Variants in GALNTL6 observed in about 807,000 individuals in gnomAD.
The protein encoded by GALNTL6 is polypeptide N-acetylgalactosaminyltransferase like 6, also known as polypeptide N-acetylgalactosaminyltransferase-like 6.
A neutral mutation model predicts 73.7 loss-of-function variants in GALNTL6; 46 were observed. That is an observed-to-expected ratio of 0.62 (90% CI 0.49 to 0.80). The LOEUF (loss-of-function observed/expected upper bound fraction) is 0.80. Among genes scored for constraint, GALNTL6 ranks in the 30% least tolerant of loss-of-function variants. The pLI is 0.00. For synonymous variants in GALNTL6, 259 were observed against 263.7 expected (o/e 0.98, Z 0.17); for missense variants, 604 against 755.0 (o/e 0.80, Z 2.34).
chr4:172,017,776 C>T (rs1392017420), intron 2 of GALNTL6, among the ~76,000 whole-genome samples: 8 of 152,064 alleles, frequency 5.3e-5, no homozygotes, highest in Non-Finnish European at 1.2e-4. Context: ...GATTATTGCT[C>T]TTCTGGATCT....
intron 2 of GALNTL6, among the ~76,000 whole-genome samples, chr4:171,865,553 C>A (rs1451440934): frequency 6.6e-6 from 1 of 152,114 alleles, no homozygotes; most frequent in Non-Finnish European, 1.5e-5. Context: ...AAATTTAAGG[C>A]AATCTTACAT....
At chr4:171,853,074 A>G (rs1306811182) in intron 2 of GALNTL6, among the ~76,000 whole-genome samples, 3 of 128,894 alleles carry the variant, frequency 2.3e-5, no homozygotes, top group Non-Finnish European at 4.7e-5. Context: ...CGTGTTAGCC[A>G]GGATGGTTTT....
At chr4:172,517,000 G>A (rs889272249) in intron 5 of GALNTL6, among the ~76,000 whole-genome samples, 3 of 152,082 alleles carry the variant, frequency 2.0e-5, no homozygotes, top group Admixed American at 1.3e-4. Context: ...TAAAGAGAAG[G>A]GAGAATGGTG....
At chr4:172,701,615 C>A (rs565467795) in intron 5 of GALNTL6, among the ~76,000 whole-genome samples, 85 of 152,086 alleles carry the variant, frequency 5.6e-4, no homozygotes, top group African/African-American at 2.0e-3. Context: ...GGGCTGGTGG[C>A]GATTTCTAGT....
chr4:172,619,833 C>G (rs747835872), intron 5 of GALNTL6, among the ~76,000 whole-genome samples: 31 of 152,100 alleles, frequency 2.0e-4, no homozygotes, highest in Non-Finnish European at 4.0e-4. Context: ...TTTCACCTTT[C>G]TTTTTATTCG....
At chr4:171,961,245 C>T (rs182122158) in intron 2 of GALNTL6, among the ~76,000 whole-genome samples, 1 of 152,044 alleles carries the variant, frequency 6.6e-6, no homozygotes. Context: ...CAACAAAAGC[C>T]CCTTGGGTAA....
Position 171,848,475 on chromosome 4 carries a change from G to A in GALNTL6, c.138+33757G>A, listed in dbSNP as rs774280507. ...TTGTGCTTTGAAATTTGAAAACCAG[G>A]CCTTGACTTTTCCTCTCTATCTATG... On this transcript the variant is annotated intron_variant, in intron 2 of 12. Coordinates refer to ENST00000506823, the MANE Select transcript of GALNTL6 (RefSeq NM_001034845.3). Among the ~76,000 whole-genome samples the A allele has an allele frequency of 2.0e-4, 31 of 152,122 alleles. 1 individual carries two copies. Among genetic ancestry groups the A allele is most frequent in the Non-Finnish European group, 3.5e-4 (24 of 68,018 alleles).
intron 5 of GALNTL6, among the ~76,000 whole-genome samples, chr4:172,469,712 C>A (rs1295711611): frequency 6.6e-6 from 1 of 152,120 alleles, no homozygotes; most frequent in Non-Finnish European, 1.5e-5. Flanking sequence ...AGTCAGCATT[C>A]CTATTTTAAA....
At chr4:171,849,911 A>T (rs951819897) in intron 2 of GALNTL6, among the ~76,000 whole-genome samples, 2 of 152,202 alleles carry the variant, frequency 1.3e-5, no homozygotes, top group African/African-American at 4.8e-5. Flanking sequence ...GGCAGTTCTG[A>T]CACATGCTCA....
chr4:172,201,382 A>AT (rs1192670268), intron 2 of GALNTL6, among the ~76,000 whole-genome samples: 3 of 151,212 alleles, frequency 2.0e-5, no homozygotes, highest in Admixed American at 2.0e-4. Flanking sequence ...AATTTTTTGT[A>AT]TTTTAGTAGA....
At chr4:172,693,855 C>G (rs1268210803) in intron 5 of GALNTL6, among the ~76,000 whole-genome samples, 1 of 152,160 alleles carries the variant, frequency 6.6e-6, no homozygotes, top group Non-Finnish European at 1.5e-5. Context: ...TTCTCTTTGC[C>G]TTGAATGATG....
In GALNTL6 at chr4:172,534,856, G is replaced by A. The variant is rs534981378; in HGVS notation, c.553+186167G>A. Among the ~76,000 whole-genome samples the A allele has an allele frequency of 5.3e-5, 8 of 152,228 alleles. No individual in the cohort carries two copies. The South Asian group carries it at 1.2e-3, about 24-fold the overall frequency. On this transcript the variant is annotated intron_variant, in intron 5 of 12. Transcript: ENST00000506823. ...ACTGGGATTACAGGCGTGAGCCACCGTGCCTGGCCTCTAAATGACAGATTT... is the reference window on the plus strand; with the variant it reads ...ACTGGGATTACAGGCGTGAGCCACCATGCCTGGCCTCTAAATGACAGATTT...
At chr4:172,570,341 C>T (rs572181785) in intron 5 of GALNTL6, among the ~76,000 whole-genome samples, 1 of 152,032 alleles carries the variant, frequency 6.6e-6, no homozygotes, top group African/African-American at 2.4e-5. Context: ...GGGGCTAGTT[C>T]CAGAGAAAAT....
intron 8 of GALNTL6, among the ~76,000 whole-genome samples, chr4:172,883,787 C>A (rs1745577465): frequency 1.3e-5 from 2 of 151,688 alleles, no homozygotes; most frequent in Non-Finnish European, 1.5e-5. Flanking sequence ...CGCCTCCCCA[C>A]CCCCACTCCC....
At position 172,336,309 on chromosome 4, in the gene GALNTL6, T is replaced by C. The variant is rs200170601; in HGVS notation, c.387-12214T>C. On this transcript the variant is annotated intron_variant, in intron 4 of 12. Coordinates refer to ENST00000506823, the MANE Select transcript of GALNTL6 (RefSeq NM_001034845.3). ...TTTTTTTGACTGAGTCTCACTCTGT[T>C]GCCCAGGCTGGAGTGCAGTGACTCC... Among the ~76,000 whole-genome samples, 111 of 142,388 alleles carry C rather than the reference T, an allele frequency of 7.8e-4. 2 individuals are homozygous for C. The South Asian group carries it at 0.016, about 21-fold the overall frequency. 93.4% of individuals were successfully genotyped at this position (142,388 alleles called of 152,430 possible).
At chr4:172,579,592 A>G (rs1265879989) in intron 5 of GALNTL6, among the ~76,000 whole-genome samples, 4 of 152,176 alleles carry the variant, frequency 2.6e-5, no homozygotes, top group Non-Finnish European at 4.4e-5. Flanking sequence ...ATGACTCCAC[A>G]TGATTTCAAA....
At chr4:172,502,200 G>A (rs1185888977) in intron 5 of GALNTL6, among the ~76,000 whole-genome samples, 8 of 152,098 alleles carry the variant, frequency 5.3e-5, no homozygotes, top group Non-Finnish European at 1.5e-5. Flanking sequence ...GGGCTTCTTT[G>A]TGAAGCTCAG....
chr4:172,971,175 G>T (rs1489678923), intron 10 of GALNTL6, among the ~76,000 whole-genome samples: 1 of 152,166 alleles, frequency 6.6e-6, no homozygotes, highest in African/African-American at 2.4e-5. Flanking sequence ...GGATGATGCA[G>T]CAAGAAGGGC....
At chr4:172,673,798 T>A (rs1261933983) in intron 5 of GALNTL6, among the ~76,000 whole-genome samples, 2 of 152,178 alleles carry the variant, frequency 1.3e-5, no homozygotes, top group African/African-American at 4.8e-5. Flanking sequence ...GAAACCCATG[T>A]TTTTTCTGTT....
Sources: gnomAD v4.1 joint callset for allele counts (sites outside exome capture counted in the v4.1 genomes callset) on GRCh38, gnomAD v4.1.1 for gene constraint, MANE v1.5 for transcripts, NCBI Gene and HGNC (gene_info 2026-07-23, HGNC 2026-07-21) for gene names.